Variants in COL23A1 observed in about 807,000 individuals in gnomAD.
COL23A1 encodes collagen alpha-1(XXIII) chain.
A neutral mutation model predicts 99.3 loss-of-function variants in COL23A1; 97 were observed. That is an observed-to-expected ratio of 0.98 (90% CI 0.83 to 1.16). The LOEUF (loss-of-function observed/expected upper bound fraction) is 1.16. Ranked by LOEUF, COL23A1 falls within the 50% of genes most tolerant of loss-of-function variation. The probability of loss-of-function intolerance (pLI) is 0.00; values close to 1 mark genes in which losing one functional copy is unlikely to be tolerated. For missense variants in COL23A1, 762 were observed against 757.4 expected, an observed-to-expected ratio of 1.01 and a Z score of -0.07; for synonymous variants, 320 against 308.2, an observed-to-expected ratio of 1.04 and a Z score of -0.40.
intron 2 of COL23A1, among the ~76,000 whole-genome samples, chr5:178,379,881 C>CAA (rs71587651): frequency 9.1e-6 from 1 of 109,458 alleles, no homozygotes; most frequent in African/African-American, 3.1e-5. Context: ...AACTCCATCT[C>CAA]AAAAAAAAAA....
At chr5:178,272,826 A>C (rs2913841) in intron 5 of COL23A1, among the ~76,000 whole-genome samples, 2 of 151,700 alleles carry the variant, frequency 1.3e-5, no homozygotes, top group African/African-American at 4.9e-5. Flanking sequence ...CCCTTCCCCC[A>C]GGCCTGACCC....
At chr5:178,327,889 CCT>C (rs1211176738) in intron 2 of COL23A1, among the ~76,000 whole-genome samples, 1 of 152,180 alleles carries the variant, frequency 6.6e-6, no homozygotes, top group African/African-American at 2.4e-5. Flanking sequence ...AGCTGCTCTC[CCT>C]GTGTGGGAAA....
At chr5:178,359,756 G>C (rs1478982728) in intron 2 of COL23A1, among the ~76,000 whole-genome samples, 1 of 152,192 alleles carries the variant, frequency 6.6e-6, no homozygotes, top group East Asian at 1.9e-4. Flanking sequence ...AGCTGGGAGG[G>C]GGCCCAGGCC....
chr5:178,241,783 T>C (rs1469649289), intron 27 of COL23A1, among the ~76,000 whole-genome samples: 1 of 152,168 alleles, frequency 6.6e-6, no homozygotes, highest in Non-Finnish European at 1.5e-5. Context: ...GGGTGAAGAA[T>C]GAGGGGCTGG....
intron 2 of COL23A1, among the ~76,000 whole-genome samples, chr5:178,448,927 A>G (rs1226400428): frequency 2.0e-5 from 3 of 151,252 alleles, no homozygotes; most frequent in African/African-American, 7.3e-5. Flanking sequence ...TTTTTTTTAA[A>G]TAAACCATGC....
At chr5:178,243,899 T>C (rs1290772707) in intron 25 of COL23A1, among the ~76,000 whole-genome samples, 1 of 152,210 alleles carries the variant, frequency 6.6e-6, no homozygotes, top group East Asian at 1.9e-4. Flanking sequence ...CTCCCATCCC[T>C]TCCCATTGAT....
Position 178,405,108 on chromosome 5 carries a change from G to A in COL23A1, c.362-98189C>T, listed in dbSNP as rs181224738. 2.6e-3 allele frequency among the ~76,000 whole-genome samples: 396 copies of A among 152,244 alleles called. 2 individuals carry two copies. The highest frequency in any genetic ancestry group is 9.3e-3 in the African/African-American group (385 of 41,538). On this transcript the variant is annotated intron_variant, in intron 2 of 28. Coordinates refer to ENST00000390654, the MANE Select transcript of COL23A1 (RefSeq NM_173465.4). ...GAGCCCATCTCTACCTCCCGCATTC[G>A]CACCACAGGCCACAAACACTGGCAG...
At chr5:178,426,040 C>CA (rs1765915902) in intron 2 of COL23A1, among the ~76,000 whole-genome samples, 1 of 152,136 alleles carries the variant, frequency 6.6e-6, no homozygotes, top group Non-Finnish European at 1.5e-5. Context: ...GGGGGGGCAA[C>CA]CAAAGGGGCT....
intron 2 of COL23A1, among the ~76,000 whole-genome samples, chr5:178,424,937 C>T (rs1765829638): frequency 6.6e-6 from 1 of 152,214 alleles, no homozygotes; most frequent in Non-Finnish European, 1.5e-5. Context: ...CCTGGCCTCG[C>T]CTCCTCCTCA....
intron 1 of COL23A1, among the ~76,000 whole-genome samples, chr5:178,582,867 G>A (rs1763734481): frequency 6.6e-6 from 1 of 152,194 alleles, no homozygotes. Context: ...AGAGAAACAG[G>A]GACCTGGGAG....
chr5:178,533,587 T>C (rs1009515024), intron 2 of COL23A1, among the ~76,000 whole-genome samples: 10 of 152,078 alleles, frequency 6.6e-5, no homozygotes, highest in African/African-American at 2.4e-4. Flanking sequence ...AACCTTCACC[T>C]CCCAGGTTCA....
intron 2 of COL23A1, among the ~76,000 whole-genome samples, chr5:178,331,482 C>A (rs1760015018): frequency 6.6e-6 from 1 of 152,228 alleles, no homozygotes; most frequent in African/African-American, 2.4e-5. Context: ...TTGTGAGGCT[C>A]ATATGATGCC....
At chr5:178,279,151 C>A (rs970248428) in intron 5 of COL23A1, among the ~76,000 whole-genome samples, 3 of 152,238 alleles carry the variant, frequency 2.0e-5, no homozygotes, top group Non-Finnish European at 4.4e-5. Flanking sequence ...ACACCCTCAC[C>A]CACTGCCCTC....
intron 18 of COL23A1, 149 bp downstream of exon 18, chr5:178,249,912 C>G (rs1581448669): frequency 1.9e-6 from 2 of 1,072,412 alleles, no homozygotes; most frequent in African/African-American, 3.2e-5. Context: ...ACACAGGCAG[C>G]CTGGTGCCAA....
At chr5:178,383,864 C>T (rs1181477310) in intron 2 of COL23A1, among the ~76,000 whole-genome samples, 10 of 148,954 alleles carry the variant, frequency 6.7e-5, no homozygotes, top group Admixed American at 6.7e-4. Context: ...TAAAAGCAAA[C>T]CTTACGACAG....
In COL23A1 at chr5:178,307,931, C is replaced by G. The variant is rs1758451754; in HGVS notation, c.362-1012G>C. On this transcript the variant is annotated intron_variant, in intron 2 of 28. Transcript: ENST00000390654. This position sits in a 1 kb window ranked among gnomAD's most constrained non-coding sequence, Gnocchi z 4.2. ...CAACCTCAAACCCCGTCAAGAATTT[C>G]CAGAACAACCACGAAGGAGATGCAG... Among the ~76,000 whole-genome samples the G allele has an allele frequency of 6.6e-6, 1 of 152,174 alleles. No homozygotes were observed. The highest frequency in any genetic ancestry group is 1.5e-5 in the Non-Finnish European group (1 of 68,046).
Position 178,518,511 on chromosome 5 carries a change from TG to T in COL23A1, c.361+42170del, listed in dbSNP as rs1368429304. ...CCCCTCACCTCCCGGACGGGGTGGC[TG>T]GCCGGGCAGAGGGGCTCCTCACTTC... On this transcript the variant is annotated intron_variant, in intron 2 of 28. Transcript: ENST00000390654. 8.0e-4 allele frequency among the ~76,000 whole-genome samples: 107 copies of T among 134,234 alleles called. 1 individual carries two copies. The highest frequency in any genetic ancestry group is 2.6e-3 in the Admixed American group (35 of 13,322). 88.1% of individuals were successfully genotyped at this position (134,234 alleles called of 152,430 possible). A position where few individuals can be genotyped will look rare whatever the true frequency, so the allele number is the denominator to read the frequency against.
intron 2 of COL23A1, among the ~76,000 whole-genome samples, chr5:178,490,595 C>A (rs1191369237): frequency 6.6e-6 from 1 of 151,016 alleles, no homozygotes. Context: ...TAAACTTGGG[C>A]AACATAGTGA....
Position 178,378,153 on chromosome 5 carries a change from G to A in COL23A1, c.362-71234C>T, listed in dbSNP as rs548922493. ...GCAGGTTGAAATCCCATGCTGATCAGTAGTGGGACTGTGTCTGTGAACAGC... is the reference window on the plus strand; with the variant it reads ...GCAGGTTGAAATCCCATGCTGATCAATAGTGGGACTGTGTCTGTGAACAGC... On this transcript the variant is annotated intron_variant, in intron 2 of 28. Transcript: ENST00000390654. The A allele has an allele frequency of 2.0e-5, 3 of 152,336 alleles. No individual in the cohort carries two copies. The East Asian group carries it at 5.8e-4, about 29-fold the overall frequency. The allele number at this position is 152,336 out of a possible 1,614,324, so 9.4% of individuals were successfully genotyped here.
Sources: allele counts gnomAD v4.1 joint callset (sites outside exome capture counted in the v4.1 genomes callset), GRCh38; gene constraint gnomAD v4.1.1; non-coding constraint Gnocchi (gnomAD v3.1); transcripts MANE v1.5; gene names NCBI Gene and HGNC (gene_info 2026-07-23, HGNC 2026-07-21).